The following IRS2 variants were observed in gnomAD, a reference collection of about 807,000 sequenced individuals.
IRS2 encodes the protein insulin receptor substrate 2.
IRS2 carries 28 observed loss-of-function variants against 70.9 expected under a neutral mutation model. That is an observed-to-expected ratio of 0.39 (90% CI 0.29 to 0.54). The LOEUF (loss-of-function observed/expected upper bound fraction) is 0.54. Ranked by LOEUF, IRS2 falls within the 20% of genes least tolerant of loss-of-function variation. IRS2 has a pLI of 0.59. For missense variants in IRS2, 2,081 were observed against 2,024.1 expected, an observed-to-expected ratio of 1.03 and a Z score of -0.54; for synonymous variants, 1,217 against 981.9, an observed-to-expected ratio of 1.24 and a Z score of -4.48.
At chr13:109,760,769 AAGAG>A (rs1374762916) in intron 1 of IRS2, among the ~76,000 whole-genome samples, 1 of 152,230 alleles carries the variant, frequency 6.6e-6, no homozygotes, top group South Asian at 2.1e-4. Context: ...ACTCCCCCGA[AAGAG>A]AGAAAGGAGG....
intron 1 of IRS2, among the ~76,000 whole-genome samples, chr13:109,780,483 TC>T (rs1277181936): frequency 6.6e-6 from 1 of 152,250 alleles, no homozygotes; most frequent in African/African-American, 2.4e-5. Flanking sequence ...TCTCTGTGAC[TC>T]TTCATCTTCT....
At chr13:109,762,686 T>C (rs1877252096) in intron 1 of IRS2, among the ~76,000 whole-genome samples, 1 of 152,190 alleles carries the variant, frequency 6.6e-6, no homozygotes, top group African/African-American at 2.4e-5. Flanking sequence ...TGCCAGCTGA[T>C]GCCCAGGCCC....
chr13:109,772,849 C>CGA (rs1337428954), intron 1 of IRS2, among the ~76,000 whole-genome samples: 4 of 151,972 alleles, frequency 2.6e-5, no homozygotes, highest in Non-Finnish European at 5.9e-5. Context: ...GCGCCCGCCA[C>CGA]CGCACCCGGC....
At chr13:109,758,614 A>G (rs112938048) in intron 1 of IRS2, among the ~76,000 whole-genome samples, 6 of 152,206 alleles carry the variant, frequency 3.9e-5, no homozygotes, top group Non-Finnish European at 8.8e-5. Flanking sequence ...GCGAGCTCCA[A>G]TTAAGTTGAA....
In IRS2 at chr13:109,782,085, A is replaced by G. The variant is rs751317518; in HGVS notation, c.3969T>C (p.Ile1323=). 1 of 1,612,452 alleles carries G rather than the reference A, an allele frequency of 6.2e-7. No homozygotes were observed. The highest frequency in any genetic ancestry group is 1.7e-5 in the Admixed American group (1 of 60,006). ...CCTTCAAGTGGTGGGACAAGAAGTCAATGCTGGCGTAGGTGTTGGCAGGGG... is the reference window on the plus strand; with the variant it reads ...CCTTCAAGTGGTGGGACAAGAAGTCGATGCTGGCGTAGGTGTTGGCAGGGG... ...ALPPANTYAS[I]DFLSHHLKEA... Residue 1323 remains isoleucine (I), a synonymous_variant, in exon 1 of 2, where the codon ATT becomes ATC. Coordinates refer to ENST00000375856, the MANE Select transcript of IRS2 (RefSeq NM_003749.3).
intron 1 of IRS2, among the ~76,000 whole-genome samples, chr13:109,780,242 C>A (rs1877666324): frequency 1.3e-5 from 2 of 152,200 alleles, no homozygotes. Flanking sequence ...TTGTGCAGAC[C>A]ATAAATATGT....
intron 1 of IRS2, among the ~76,000 whole-genome samples, chr13:109,764,996 G>A (rs970706263): frequency 5.9e-5 from 9 of 152,262 alleles, no homozygotes; most frequent in East Asian, 1.9e-4. Flanking sequence ...CAAAATGCCC[G>A]GGAAGGGGCC....
rs779734265 is a variant in IRS2, at chr13:109,785,895, G to T, written c.159C>A (p.Pro53=). The part of the protein sequence containing the change: ...GHKRFFVLRG[P]GAGGDEATAG... ...CCGTCGCCTCGTCGCCGCCCGCGCCGGGTCCGCGCAGCACGAAGAAGCGCT... is the reference window on the plus strand; with the variant it reads ...CCGTCGCCTCGTCGCCGCCCGCGCCTGGTCCGCGCAGCACGAAGAAGCGCT... Residue 53 remains proline (P), a synonymous_variant, in exon 1 of 2, where the codon CCC becomes CCA. Coordinates refer to ENST00000375856, the MANE Select transcript of IRS2 (RefSeq NM_003749.3). This position sits in a 1 kb window ranked among gnomAD's most constrained non-coding sequence, Gnocchi z 9.3. 4 of 1,488,070 alleles carry T rather than the reference G, an allele frequency of 2.7e-6. No homozygotes were observed. In the African/African-American group the frequency reaches 5.8e-5, roughly 21 times the overall value. The allele number at this position is 1,488,070 out of a possible 1,614,324, so 92.2% of individuals were successfully genotyped here.
At position 109,784,733 on chromosome 13, in the gene IRS2, C is replaced by T. The variant is rs1331987813; in HGVS notation, c.1321G>A (p.Ala441Thr). 10 of 1,231,864 alleles carry T rather than the reference C, an allele frequency of 8.1e-6. No homozygotes were observed. The highest frequency in any genetic ancestry group is 3.4e-5 in the South Asian group (1 of 29,676). The allele number at this position is 1,231,864 out of a possible 1,614,324, so 76.3% of individuals were successfully genotyped here. The change falls in exon 1 of 2, where the codon GCC becomes ACC. Residue 441 changes from alanine (A) to threonine (T), a missense_variant. Transcript: ENST00000375856. The surrounding 1 kb of genome is among the most constrained non-coding windows in gnomAD (Gnocchi z 5.2). ...GACAGGGAGCCGGGGCTGGTGGCGG[C>T]GGGCGGCGAGTGCGCCACGGGCATG... is the stretch of plus-strand genomic sequence containing the variant. Reference protein sequence around the residue: ...MSMPVAHSPPAATSPGSLSSS... With the variant: ...MSMPVAHSPPTATSPGSLSSS...
chr13:109,784,990 T>G lies in IRS2; in HGVS notation c.1064A>C (p.Lys355Thr). Residue 355 changes from lysine to threonine, a missense_variant, in exon 1 of 2, where the codon AAG (lysine) becomes ACG (threonine). Coordinates refer to ENST00000375856, the MANE Select transcript of IRS2 (RefSeq NM_003749.3). This position sits in a 1 kb window ranked among gnomAD's most constrained non-coding sequence, Gnocchi z 5.2. Reference protein sequence around the residue: ...DSLAATPPAAKCSSCRVRTAS... With the variant: ...DSLAATPPAATCSSCRVRTAS... ...GGTGCGCACCCGGCACGAGCTGCAC[T>G]TGGCCGCCGGCGGGGTGGCGGCCAG... 7.1e-7 allele frequency: 1 copy of G among 1,401,016 alleles called. No homozygotes were observed. The highest frequency in any genetic ancestry group is 9.2e-7 in the Non-Finnish European group (1 of 1,083,904). 86.8% of individuals were successfully genotyped at this position (1,401,016 alleles called of 1,614,324 possible).
intron 1 of IRS2, among the ~76,000 whole-genome samples, chr13:109,760,972 C>T (rs1877212480): frequency 6.6e-6 from 1 of 152,228 alleles, no homozygotes; most frequent in Non-Finnish European, 1.5e-5. Flanking sequence ...TTTGCTCCAG[C>T]CAATAAAATC....
intron 1 of IRS2, among the ~76,000 whole-genome samples, chr13:109,770,477 C>T (rs541266924): frequency 1.3e-5 from 2 of 152,276 alleles, no homozygotes; most frequent in African/African-American, 4.8e-5. Flanking sequence ...ACAAACACTA[C>T]CTCATCTGAT....
chr13:109,774,249 T>C (rs1877521772), intron 1 of IRS2, among the ~76,000 whole-genome samples: 1 of 152,174 alleles, frequency 6.6e-6, no homozygotes, highest in Admixed American at 6.5e-5. Context: ...TGTTGACACA[T>C]CTAGAGGTCC....
chr13:109,773,085 C>T (rs1229155632), intron 1 of IRS2, among the ~76,000 whole-genome samples: 1 of 151,948 alleles, frequency 6.6e-6, no homozygotes, highest in Non-Finnish European at 1.5e-5. Flanking sequence ...GAGGTTATAC[C>T]CACGTCATTA....
rs1468019111 is a variant in IRS2 at position 109,786,567 on chromosome 13, G to A, written c.-514C>T. 1 of 153,310 alleles carries A rather than the reference G, an allele frequency of 6.5e-6. No individual in the cohort carries two copies. Among genetic ancestry groups the A allele is most frequent in the Non-Finnish European group, 1.4e-5 (1 of 69,180 alleles). The allele number at this position is 153,310 out of a possible 1,614,324, so 9.5% of individuals were successfully genotyped here. A position where few individuals can be genotyped will look rare whatever the true frequency, so the allele number is the denominator to read the frequency against. On this transcript the variant is annotated 5_prime_UTR_variant, in exon 1 of 2. Transcript: ENST00000375856. The surrounding 1 kb of genome is among the most constrained non-coding windows in gnomAD (Gnocchi z 4.4). ...GCGACCCGGGCTCGTCGCGGTCCCC[G>A]CCGCACAGTGAGTAACACATCGCGC...
chr13:109,764,464 T>C (rs1877292645), intron 1 of IRS2, among the ~76,000 whole-genome samples: 1 of 152,168 alleles, frequency 6.6e-6, no homozygotes, highest in Admixed American at 6.5e-5. Flanking sequence ...ATGTATAAAA[T>C]ATATAAATAA....
At position 109,785,564 on chromosome 13, in the gene IRS2, T is replaced by G. The variant is rs1877894485; in HGVS notation, c.490A>C (p.Ser164Arg). ...PPAAAPAASC[S>R]ASLPGALGGS... is the part of the protein sequence containing the mutation. ...CCCAGGGCGCCGGGCAGGGAGGCGCTGCAGGACGCGGCGGGCGCGGCGGCG... is the reference window on the plus strand; with the variant it reads ...CCCAGGGCGCCGGGCAGGGAGGCGCGGCAGGACGCGGCGGGCGCGGCGGCG... Residue 164 changes from serine (S) to arginine (R), a missense_variant, in exon 1 of 2, where the codon AGC becomes CGC. Around this residue, in one of 4 missense-constraint regions of IRS2, gnomAD observed 320 missense variants for 352.9 expected, o/e 0.91. Transcript: ENST00000375856. This position sits in a 1 kb window ranked among gnomAD's most constrained non-coding sequence, Gnocchi z 9.3. 1 of 1,345,830 alleles carries G rather than the reference T, an allele frequency of 7.4e-7. No individual in the cohort carries two copies. 83.4% of individuals were successfully genotyped at this position (1,345,830 alleles called of 1,614,324 possible).
chr13:109,780,320 G>A (rs541679637), intron 1 of IRS2, among the ~76,000 whole-genome samples: 1 of 152,248 alleles, frequency 6.6e-6, no homozygotes, highest in African/African-American at 2.4e-5. Context: ...TGTCTTATAA[G>A]GCAGCTAATC....
Position 109,784,741 on chromosome 13 carries a change from G to A in IRS2, c.1313C>T (p.Ser438Leu), listed in dbSNP as rs1021390879. ...SRSMSMPVAH[S>L]PPAATSPGSL... ...GCCGGGGCTGGTGGCGGCGGGCGGC[G>A]AGTGCGCCACGGGCATGGACATGGA... The change falls in exon 1 of 2, where the codon TCG becomes TTG. Residue 438 changes from serine to leucine, a missense_variant. This residue lies in a region of IRS2 where 1,615 missense variants were observed against 1,459.5 expected (regional missense o/e 1.11). Transcript: ENST00000375856. This position sits in a 1 kb window ranked among gnomAD's most constrained non-coding sequence, Gnocchi z 5.2. The A allele has an allele frequency of 8.1e-7, 1 of 1,231,550 alleles. No homozygotes were observed. The highest frequency in any genetic ancestry group is 1.0e-6 in the Non-Finnish European group (1 of 987,796). The allele number at this position is 1,231,550 out of a possible 1,614,324, so 76.3% of individuals were successfully genotyped here. A position where few individuals can be genotyped will look rare whatever the true frequency, so the allele number is the denominator to read the frequency against.
Sources: gnomAD v4.1 joint callset for allele counts (sites outside exome capture counted in the v4.1 genomes callset) on GRCh38, gnomAD v4.1.1 for gene constraint, gnomAD v4.1.1 regional missense constraint, Gnocchi (gnomAD v3.1) non-coding constraint, MANE v1.5 for transcripts, NCBI Gene and HGNC (gene_info 2026-07-23, HGNC 2026-07-21) for gene names.